Variants in PLCB1 observed in about 807,000 individuals in gnomAD.
PLCB1 encodes 1-phosphatidylinositol 4,5-bisphosphate phosphodiesterase beta-1.
In PLCB1, 46 loss-of-function variants were observed where a neutral mutation model predicts 161.8. That is an observed-to-expected ratio of 0.28 (90% confidence interval 0.22 to 0.36). The LOEUF (loss-of-function observed/expected upper bound fraction) is 0.36, where lower values mean the gene tolerates loss of function less well. PLCB1 is among the 10% of genes least tolerant of loss of function. The pLI, the probability that PLCB1 is intolerant of heterozygous loss-of-function variation, is 1.00. For synonymous variants in PLCB1, 517 were observed against 503.7 expected, an observed-to-expected ratio of 1.03 and a Z score of -0.35; for missense variants, 1,016 against 1,472.5, an observed-to-expected ratio of 0.69 and a Z score of 5.07.
intron 31 of PLCB1, among the ~76,000 whole-genome samples, chr20:8,824,112 C>A (rs545134772): frequency 6.6e-6 from 1 of 152,186 alleles, no homozygotes; most frequent in African/African-American, 2.4e-5. Context: ...AACCAACAAA[C>A]AAAATTGCGT....
At chr20:8,403,581 T>A (rs1464019437) in intron 3 of PLCB1, among the ~76,000 whole-genome samples, 1 of 151,904 alleles carries the variant, frequency 6.6e-6, no homozygotes, top group Non-Finnish European at 1.5e-5. Context: ...ATTTAAGTGA[T>A]ATGTTGATGT....
At chr20:8,231,807 A>C (rs1980055380) in intron 2 of PLCB1, among the ~76,000 whole-genome samples, 1 of 152,182 alleles carries the variant, frequency 6.6e-6, no homozygotes, top group Admixed American at 6.5e-5. Flanking sequence ...GTAGAGGGAT[A>C]GACAAAATTA....
intron 3 of PLCB1, among the ~76,000 whole-genome samples, chr20:8,571,948 A>C (rs1986534965): frequency 6.6e-6 from 1 of 152,138 alleles, no homozygotes; most frequent in Non-Finnish European, 1.5e-5. Flanking sequence ...CTAAAATAGA[A>C]CACTTTTCTT....
chr20:8,313,161 A>G (rs188310273), intron 2 of PLCB1, among the ~76,000 whole-genome samples: 2 of 152,368 alleles, frequency 1.3e-5, no homozygotes, highest in Admixed American at 6.5e-5. Context: ...GAAGATAACT[A>G]TATCAATCAC....
chr20:8,616,113 A>C (rs1000965288), intron 3 of PLCB1, among the ~76,000 whole-genome samples: 1 of 152,034 alleles, frequency 6.6e-6, no homozygotes, highest in African/African-American at 2.4e-5. Flanking sequence ...TATCTCTCCA[A>C]ATCTGTCCCC....
chr20:8,874,255 C>T (rs1600108157), intron 31 of PLCB1, among the ~76,000 whole-genome samples: 2 of 69,114 alleles, frequency 2.9e-5, no homozygotes, highest in Admixed American at 1.2e-4. Flanking sequence ...CACACACACA[C>T]GCACAACAGA....
At chr20:8,643,961 GTTTTCGTATTT>G (rs1989050750) in intron 4 of PLCB1, among the ~76,000 whole-genome samples, 1 of 152,180 alleles carries the variant, frequency 6.6e-6, no homozygotes, top group African/African-American at 2.4e-5. Context: ...CGCCTGACTG[GTTTTCGTATTT>G]TTTTGGTGGA....
chr20:8,431,683 T>G lies in PLCB1; in HGVS notation c.246+60233T>G, dbSNP rs143524101. 3.4e-3 allele frequency among the ~76,000 whole-genome samples: 524 copies of G among 152,348 alleles called. 6 individuals carry two copies. The highest frequency in any genetic ancestry group is 6.8e-3 in the Middle Eastern group (2 of 294). ...CTGATTGGGAACATCTCTGGGTTTC[T>G]GTATGTGTACACATTCTACACAATA... On this transcript the variant is annotated intron_variant, in intron 3 of 31. Coordinates refer to ENST00000338037, the MANE Select transcript of PLCB1 (RefSeq NM_015192.4).
chr20:8,601,589 T>C (rs916876333), intron 3 of PLCB1, among the ~76,000 whole-genome samples: 1 of 152,210 alleles, frequency 6.6e-6, no homozygotes, highest in African/African-American at 2.4e-5. Flanking sequence ...CTTGAGCACT[T>C]TCTATGTGCT....
intron 31 of PLCB1, among the ~76,000 whole-genome samples, chr20:8,841,660 C>T (rs1986509199): frequency 6.6e-6 from 1 of 152,180 alleles, no homozygotes; most frequent in South Asian, 2.1e-4. Flanking sequence ...CACTCTTACA[C>T]GTGTGCTAAT....
chr20:8,166,234 C>T (rs923490608), intron 2 of PLCB1, among the ~76,000 whole-genome samples: 1 of 152,154 alleles, frequency 6.6e-6, no homozygotes. Flanking sequence ...ACATATCAAC[C>T]TGGATTCTGT....
Position 8,189,210 on chromosome 20 carries a change from C to G in PLCB1, c.177+38839C>G, listed in dbSNP as rs76119639. Among the ~76,000 whole-genome samples, 9 of 151,092 alleles carry G rather than the reference C, an allele frequency of 6.0e-5. No homozygotes were observed. In the East Asian group the frequency reaches 1.6e-3, roughly 26 times the overall value. The stretch of plus-strand genomic sequence containing the variant: ...CATAATGGCTTCCAAGTATTGTGTT[C>G]GAGATTTTTGCTAAGTGAATAGCTA... On this transcript the variant is annotated intron_variant, in intron 2 of 31. Coordinates refer to ENST00000338037, the MANE Select transcript of PLCB1 (RefSeq NM_015192.4).
intron 12 of PLCB1, chr20:8,716,036 C>T (rs559738319): frequency 9.1e-5 from 46 of 508,206 alleles, no homozygotes; most frequent in African/African-American, 8.0e-4. Context: ...TATGTCTATG[C>T]AGGTCTGCCT....
At chr20:8,526,902 C>T (rs756334509) in intron 3 of PLCB1, among the ~76,000 whole-genome samples, 13 of 151,900 alleles carry the variant, frequency 8.6e-5, no homozygotes, top group Non-Finnish European at 1.6e-4. Context: ...TTTCACCCCT[C>T]ATCTTTAGCA....
At chr20:8,281,543 C>T (rs1015826718) in intron 2 of PLCB1, among the ~76,000 whole-genome samples, 13 of 152,002 alleles carry the variant, frequency 8.6e-5, no homozygotes, top group South Asian at 2.1e-4. Context: ...TAAAGAACAA[C>T]GATCTATATA....
chr20:8,569,404 T>C (rs1001465674), intron 3 of PLCB1, among the ~76,000 whole-genome samples: 1 of 152,228 alleles, frequency 6.6e-6, no homozygotes, highest in African/African-American at 2.4e-5. Context: ...GGGTATTTAA[T>C]TATCAAATTT....
At chr20:8,363,523 T>C (rs73591756) in intron 2 of PLCB1, among the ~76,000 whole-genome samples, 2 of 152,304 alleles carry the variant, frequency 1.3e-5, no homozygotes, top group African/African-American at 4.8e-5. Flanking sequence ...AAGATATCTC[T>C]CTTTTGGCTA....
At chr20:8,375,336 G>A (rs191824269) in intron 3 of PLCB1, among the ~76,000 whole-genome samples, 3 of 152,060 alleles carry the variant, frequency 2.0e-5, no homozygotes, top group Non-Finnish European at 4.4e-5. Context: ...ACTTCAAAAA[G>A]ATCTTTGCTT....
At chr20:8,240,996 G>A (rs2179137) in intron 2 of PLCB1, among the ~76,000 whole-genome samples, 66,064 of 151,680 alleles carry the variant, frequency 0.44, 14,816 homozygotes, top group East Asian at 0.67. Flanking sequence ...GGAAACTATG[G>A]TGAACACGAG....
Sources: allele counts gnomAD v4.1 joint callset (sites outside exome capture counted in the v4.1 genomes callset), GRCh38; gene constraint gnomAD v4.1.1; transcripts MANE v1.5; gene names NCBI Gene and HGNC (gene_info 2026-07-23, HGNC 2026-07-21).